Variants in PTPN9 observed in about 807,000 individuals in gnomAD.
The protein encoded by PTPN9 is protein tyrosine phosphatase non-receptor type 9.
A neutral mutation model predicts 69.8 loss-of-function variants in PTPN9; 26 were observed. The ratio of observed to expected loss-of-function variants is 0.37; its 90% CI spans 0.27 to 0.52. The LOEUF (loss-of-function observed/expected upper bound fraction) is 0.52, where lower values mean the gene tolerates loss of function less well. Ranked by LOEUF, PTPN9 falls within the 20% of genes least tolerant of loss-of-function variation. PTPN9 has a pLI of 0.91. For missense variants in PTPN9, 549 were observed against 740.3 expected (o/e 0.74, Z 3.00); for synonymous variants, 274 against 272.5 (o/e 1.01, Z -0.05).
chr15:75,502,364 CTT>C (rs2074777727), intron 7 of PTPN9, among the ~76,000 whole-genome samples: 1 of 151,834 alleles, frequency 6.6e-6, no homozygotes, highest in Non-Finnish European at 1.5e-5. Flanking sequence ...GGAAGAATCG[CTT>C]GAACCTGGGA....
intron 7 of PTPN9, among the ~76,000 whole-genome samples, chr15:75,504,779 G>A (rs1430415462): frequency 6.5e-5 from 8 of 123,916 alleles, no homozygotes; most frequent in Admixed American, 7.7e-5. Flanking sequence ...CCGGCCAGCC[G>A]CCCCGTCCGG....
chr15:75,539,096 T>A (rs72732847), intron 1 of PTPN9, among the ~76,000 whole-genome samples: 4,135 of 151,790 alleles, frequency 0.027, 79 homozygotes, highest in Middle Eastern at 0.051. Flanking sequence ...CTTTAAAAAA[T>A]TTTTTTTTGG....
At chr15:75,502,923 T>A (rs1420009045) in intron 7 of PTPN9, among the ~76,000 whole-genome samples, 35 of 152,188 alleles carry the variant, frequency 2.3e-4, no homozygotes, top group Non-Finnish European at 2.9e-5. Context: ...GAGCATAGGA[T>A]GTTAGCAAGA....
chr15:75,516,876 C>T (rs1289202446), intron 5 of PTPN9, among the ~76,000 whole-genome samples: 1 of 151,562 alleles, frequency 6.6e-6, no homozygotes, highest in African/African-American at 2.4e-5. Context: ...TCCCGAGTAC[C>T]TGGGACTATA....
intron 8 of PTPN9, among the ~76,000 whole-genome samples, chr15:75,489,752 A>T (rs1056045377): frequency 2.0e-5 from 3 of 152,224 alleles, no homozygotes; most frequent in African/African-American, 7.2e-5. Context: ...TAGTCATTTG[A>T]CCATTTCATC....
intron 1 of PTPN9, among the ~76,000 whole-genome samples, chr15:75,559,313 G>A (rs543848204): frequency 2.0e-5 from 3 of 152,322 alleles, no homozygotes; most frequent in Non-Finnish European, 4.4e-5. Flanking sequence ...CGACGATGGC[G>A]GTTTTGTCGA....
intron 9 of PTPN9, among the ~76,000 whole-genome samples, 186 bp from the exon 10 acceptor site, chr15:75,473,953 T>C (rs1386757873): frequency 1.3e-5 from 2 of 151,788 alleles, no homozygotes; most frequent in African/African-American, 4.8e-5. Flanking sequence ...TATGGGAGAG[T>C]GTAAGAAACA....
At chr15:75,486,400 C>T (rs897316092) in intron 8 of PTPN9, among the ~76,000 whole-genome samples, 1 of 152,146 alleles carries the variant, frequency 6.6e-6, no homozygotes, top group Non-Finnish European at 1.5e-5. Context: ...CACCCCTTCC[C>T]CTTCTGCCAT....
At chr15:75,541,140 T>G (rs549462813) in intron 1 of PTPN9, among the ~76,000 whole-genome samples, 2 of 151,858 alleles carry the variant, frequency 1.3e-5, no homozygotes, top group Non-Finnish European at 2.9e-5. Context: ...CAGGCTTGAG[T>G]GCAGTGGCAT....
At chr15:75,557,244 G>A (rs1243738034) in intron 1 of PTPN9, among the ~76,000 whole-genome samples, 2 of 151,880 alleles carry the variant, frequency 1.3e-5, no homozygotes, top group Non-Finnish European at 2.9e-5. Flanking sequence ...GGCCAACATG[G>A]TGAAACCCCG....
intron 8 of PTPN9, among the ~76,000 whole-genome samples, chr15:75,489,220 CAG>C (rs1166481295): frequency 7.0e-6 from 1 of 143,556 alleles, no homozygotes; most frequent in Non-Finnish European, 1.5e-5. Context: ...GTTACCCTAA[CAG>C]ATTTTCCTGG....
intron 8 of PTPN9, chr15:75,480,748 C>G: frequency 1.6e-6 from 2 of 1,260,764 alleles, no homozygotes; most frequent in South Asian, 1.9e-5. Flanking sequence ...GGAGCTGTCT[C>G]AGTCTTTGCC....
chr15:75,562,627 C>G (rs191606502), intron 1 of PTPN9, among the ~76,000 whole-genome samples: 1 of 151,906 alleles, frequency 6.6e-6, no homozygotes, highest in South Asian at 2.1e-4. Context: ...GTCAGGAGAT[C>G]GAGACCATCC....
At chr15:75,566,327 T>C (rs557429513) in intron 1 of PTPN9, among the ~76,000 whole-genome samples, 1 of 152,316 alleles carries the variant, frequency 6.6e-6, no homozygotes, top group Non-Finnish European at 1.5e-5. Flanking sequence ...TTTAATAGCA[T>C]AATCTTAAAC....
At chr15:75,471,158 G>A (rs1415899770) in intron 10 of PTPN9, among the ~76,000 whole-genome samples, 4 of 152,184 alleles carry the variant, frequency 2.6e-5, no homozygotes, top group Non-Finnish European at 5.9e-5. Flanking sequence ...TATAGTAGCT[G>A]GGTATAGTGG....
At chr15:75,485,771 T>A (rs1199702731) in intron 8 of PTPN9, among the ~76,000 whole-genome samples, 1 of 151,832 alleles carries the variant, frequency 6.6e-6, no homozygotes, top group Non-Finnish European at 1.5e-5. Flanking sequence ...GGGAATTAAA[T>A]TTTTAATTTC....
intron 1 of PTPN9, among the ~76,000 whole-genome samples, chr15:75,560,071 C>T (rs377299099): frequency 2.3e-4 from 35 of 149,784 alleles, no homozygotes; most frequent in Non-Finnish European, 1.0e-4. Flanking sequence ...ATCTGGGAGG[C>T]GGAGGTTGCA....
chr15:75,500,330 TAAAC>T (rs1026909569), intron 7 of PTPN9, among the ~76,000 whole-genome samples: 14 of 145,266 alleles, frequency 9.6e-5, no homozygotes, highest in East Asian at 2.0e-4. Flanking sequence ...AATAAATAAA[TAAAC>T]AAACATACAT....
rs1228433317 is a variant in PTPN9, at chr15:75,504,816, G to A, written c.968+859C>T. 5.6e-4 allele frequency among the ~76,000 whole-genome samples: 74 copies of A among 133,118 alleles called. No individual in the cohort carries two copies. In the East Asian group the frequency reaches 0.011, roughly 20 times the overall value. 87.3% of individuals were successfully genotyped at this position (133,118 alleles called of 152,430 possible). A position where few individuals can be genotyped will look rare whatever the true frequency, so the allele number is the denominator to read the frequency against. ...AGGGAGGTGGGGGGGTCAGCCCCCC[G>A]CCTGGCCAGCCGCCCCGTCCGGGAG... On this transcript the variant is annotated intron_variant, in intron 7 of 12. Transcript: ENST00000618819.
Sources: allele counts gnomAD v4.1 joint callset (sites outside exome capture counted in the v4.1 genomes callset), GRCh38; gene constraint gnomAD v4.1.1; transcripts MANE v1.5; gene names NCBI Gene and HGNC (gene_info 2026-07-23, HGNC 2026-07-21).